DLC1: variants seen among roughly 807,000 people sequenced by gnomAD.
DLC1 encodes rho GTPase-activating protein 7.
Under a neutral mutation model 140.3 loss-of-function variants are expected in DLC1, and 54 were observed. That is an observed-to-expected ratio of 0.38 (90% CI 0.31 to 0.48). The LOEUF (loss-of-function observed/expected upper bound fraction) is 0.48. DLC1 is among the 20% of genes least tolerant of loss of function. The probability of loss-of-function intolerance (pLI) is 0.96; values close to 1 mark genes in which losing one functional copy is unlikely to be tolerated. For missense variants in DLC1, 2,536 were observed against 1,907.0 expected (o/e 1.33, Z -6.14); for synonymous variants, 986 against 728.1 (o/e 1.35, Z -5.70).
rs1817401282 is a variant in DLC1 at position 13,084,580 on chromosome 8, C to A, written c.*1231G>T. The A allele has an allele frequency of 6.8e-6, 1 of 145,998 alleles. No homozygotes were observed. Among genetic ancestry groups the A allele is most frequent in the Non-Finnish European group, 1.5e-5 (1 of 67,318 alleles). 9.0% of individuals were successfully genotyped at this position (145,998 alleles called of 1,614,324 possible). A position where few individuals can be genotyped will look rare whatever the true frequency, so the allele number is the denominator to read the frequency against. On this transcript the variant is annotated 3_prime_UTR_variant, in exon 18 of 18. Transcript: ENST00000276297. ...CTATGATTACTATTTTTCATTACCA[C>A]TTAAATATATTTCCAGGGCATTCTA...
chr8:13,148,256 G>T (rs1302774441), intron 5 of DLC1, among the ~76,000 whole-genome samples: 1 of 152,068 alleles, frequency 6.6e-6, no homozygotes, highest in African/African-American at 2.4e-5. Flanking sequence ...GTACCCAATA[G>T]TGATCTTTTC....
intron 4 of DLC1, among the ~76,000 whole-genome samples, chr8:13,357,529 G>T (rs1835005333): frequency 6.6e-6 from 1 of 152,304 alleles, no homozygotes; most frequent in Non-Finnish European, 1.5e-5. Context: ...TAAGCCTGGG[G>T]TAATTGTTCT....
intron 7 of DLC1, 45 bp downstream of exon 7, chr8:13,110,697 T>C (rs1820018019): frequency 6.4e-7 from 1 of 1,557,388 alleles, no homozygotes; most frequent in Non-Finnish European, 8.8e-7. Flanking sequence ...AGTACTGTGT[T>C]CTTAAAAAAT....
chr8:13,568,842 C>T (rs772429738), intron 1 of DLC1, among the ~76,000 whole-genome samples: 4 of 152,074 alleles, frequency 2.6e-5, no homozygotes, highest in Non-Finnish European at 4.4e-5. Flanking sequence ...TTAGCAAAAG[C>T]CATTTCACTT....
chr8:13,192,229 G>T (rs1356287762), intron 5 of DLC1, among the ~76,000 whole-genome samples: 1 of 151,980 alleles, frequency 6.6e-6, no homozygotes, highest in Non-Finnish European at 1.5e-5. Context: ...GGGATTACAG[G>T]TGTGAGCCAC....
At chr8:13,143,799 A>G (rs1429211737) in intron 5 of DLC1, among the ~76,000 whole-genome samples, 1 of 146,108 alleles carries the variant, frequency 6.8e-6, no homozygotes, top group Non-Finnish European at 1.5e-5. Flanking sequence ...ATGTTGAAAG[A>G]CCAAATGAAA....
At chr8:13,129,941 G>A (rs914641612) in intron 5 of DLC1, among the ~76,000 whole-genome samples, 8 of 152,068 alleles carry the variant, frequency 5.3e-5, no homozygotes, top group Non-Finnish European at 8.8e-5. Flanking sequence ...CCTCATTTCC[G>A]TCTTCCTGTT....
intron 4 of DLC1, among the ~76,000 whole-genome samples, chr8:13,319,656 G>C (rs1036330811): frequency 6.6e-6 from 1 of 151,900 alleles, no homozygotes; most frequent in Non-Finnish European, 1.5e-5. Context: ...TTGAGACCTC[G>C]CCAGCCATGC....
chr8:13,275,966 C>G (rs1192992417), intron 5 of DLC1, among the ~76,000 whole-genome samples: 1 of 152,190 alleles, frequency 6.6e-6, no homozygotes, highest in Non-Finnish European at 1.5e-5. Flanking sequence ...GTCACAAGGA[C>G]CTTGCTTCTC....
chr8:13,160,507 G>T (rs906166070), intron 5 of DLC1, among the ~76,000 whole-genome samples: 2 of 152,160 alleles, frequency 1.3e-5, no homozygotes, highest in African/African-American at 2.4e-5. Flanking sequence ...TGGCTAGAAG[G>T]CTGGGCATTC....
chr8:13,233,007 A>T (rs1175860954), intron 5 of DLC1, among the ~76,000 whole-genome samples: 3 of 152,136 alleles, frequency 2.0e-5, no homozygotes, highest in Non-Finnish European at 4.4e-5. Flanking sequence ...ATATATTCAC[A>T]TTTGTGGCTG....
chr8:13,458,895 T>G (rs979108969), intron 2 of DLC1, among the ~76,000 whole-genome samples: 1 of 152,198 alleles, frequency 6.6e-6, no homozygotes, highest in African/African-American at 2.4e-5. Context: ...ACTCTTGATT[T>G]GGAAATTAGT....
intron 1 of DLC1, among the ~76,000 whole-genome samples, chr8:13,578,560 A>T (rs1430044414): frequency 2.0e-5 from 3 of 152,096 alleles, no homozygotes; most frequent in African/African-American, 7.2e-5. Flanking sequence ...TAATATTAAC[A>T]GGTTGTCATC....
chr8:13,114,537 A>G (rs187756636), intron 6 of DLC1, among the ~76,000 whole-genome samples: 238 of 152,090 alleles, frequency 1.6e-3, no homozygotes, highest in Non-Finnish European at 2.6e-3. Flanking sequence ...TTTTTTTTGA[A>G]CCATTTTTCT....
At chr8:13,460,656 G>A (rs1029677082) in intron 2 of DLC1, among the ~76,000 whole-genome samples, 1 of 152,232 alleles carries the variant, frequency 6.6e-6, no homozygotes, top group Non-Finnish European at 1.5e-5. Context: ...AAATGATGGT[G>A]TGGATCAAAA....
intron 4 of DLC1, among the ~76,000 whole-genome samples, chr8:13,354,726 C>T (rs1297803032): frequency 6.7e-6 from 1 of 149,940 alleles, no homozygotes; most frequent in Admixed American, 6.7e-5. Context: ...GGGTGGATTG[C>T]TTGAGCACAG....
intron 1 of DLC1, chr8:13,566,721 G>A (rs990511427): frequency 4.3e-6 from 2 of 465,584 alleles, no homozygotes; most frequent in Non-Finnish European, 7.6e-6. Context: ...GAGTGCAGAA[G>A]ACAGGGCAAA....
chr8:13,156,218 T>G (rs1317345540), intron 5 of DLC1, among the ~76,000 whole-genome samples: 3 of 152,182 alleles, frequency 2.0e-5, no homozygotes, highest in Non-Finnish European at 4.4e-5. Context: ...AACAACTGTT[T>G]CAACCCTTAC....
chr8:13,393,087 A>G (rs937728378), intron 4 of DLC1, among the ~76,000 whole-genome samples: 1 of 152,024 alleles, frequency 6.6e-6, no homozygotes, highest in Admixed American at 6.6e-5. Flanking sequence ...ATCCATCTAC[A>G]TCTATCTCTA....
Sources: gnomAD v4.1 joint callset for allele counts (sites outside exome capture counted in the v4.1 genomes callset) on GRCh38, gnomAD v4.1.1 for gene constraint, MANE v1.5 for transcripts, NCBI Gene and HGNC (gene_info 2026-07-23, HGNC 2026-07-21) for gene names.